Variants in SLC25A21 observed in about 807,000 individuals in gnomAD.
SLC25A21 encodes the protein mitochondrial 2-oxodicarboxylate carrier.
A neutral mutation model predicts 43.8 loss-of-function variants in SLC25A21; 47 were observed. The ratio of observed to expected loss-of-function variants is 1.07; its 90% confidence interval spans 0.85 to 1.37. SLC25A21 has a LOEUF of 1.37. Among genes scored for constraint, SLC25A21 ranks in the 40% most tolerant of loss-of-function variants. SLC25A21 has a pLI of 0.00. For synonymous variants in SLC25A21, 131 were observed against 121.3 expected, an observed-to-expected ratio of 1.08 and a Z score of -0.52; for missense variants, 352 against 350.2, an observed-to-expected ratio of 1.00 and a Z score of -0.04.
At chr14:36,978,654 TTAAA>T (rs560965409) in intron 1 of SLC25A21, among the ~76,000 whole-genome samples, 1 of 152,244 alleles carries the variant, frequency 6.6e-6, no homozygotes, top group Non-Finnish European at 1.5e-5. Flanking sequence ...TTTACAATAA[TTAAA>T]TACTCACATA....
intron 2 of SLC25A21, among the ~76,000 whole-genome samples, chr14:36,836,146 C>T (rs897135517): frequency 3.3e-5 from 5 of 152,236 alleles, no homozygotes; most frequent in South Asian, 2.1e-4. Flanking sequence ...AGTTATAATT[C>T]GGAAGTGTTA....
chr14:36,980,802 C>T (rs1436303704), intron 1 of SLC25A21, among the ~76,000 whole-genome samples: 1 of 152,198 alleles, frequency 6.6e-6, no homozygotes, highest in African/African-American at 2.4e-5. Context: ...ATGACTAAAA[C>T]ACCAAAAGCA....
chr14:37,161,440 T>G (rs1332858655), intron 1 of SLC25A21, among the ~76,000 whole-genome samples: 1 of 152,054 alleles, frequency 6.6e-6, no homozygotes, highest in Non-Finnish European at 1.5e-5. Context: ...GACCATAAAT[T>G]TGAGAAACAC....
chr14:36,696,981 C>A lies in SLC25A21; in HGVS notation c.604-12056G>T, dbSNP rs376715493. Among the ~76,000 whole-genome samples, 3,987 of 152,042 alleles carry A rather than the reference C, an allele frequency of 0.026. 259 individuals are homozygous for A. In the East Asian group the frequency reaches 0.29, roughly 11 times the overall value. On this transcript the variant is annotated intron_variant, in intron 7 of 9. Coordinates refer to ENST00000331299, the MANE Select transcript of SLC25A21 (RefSeq NM_030631.4). ...CGAATGTGTTTGCTCTTCATTCTCT[C>A]GTTCTTTTAATTGTGATGTTAGGGT...
intron 7 of SLC25A21, among the ~76,000 whole-genome samples, chr14:36,706,985 T>C (rs1215596002): frequency 1.3e-5 from 2 of 152,168 alleles, no homozygotes; most frequent in East Asian, 3.9e-4. Context: ...TAAGAATCCT[T>C]AGTGTGGCCT....
chr14:36,768,720 C>A (rs1886504624), intron 3 of SLC25A21, among the ~76,000 whole-genome samples: 1 of 152,030 alleles, frequency 6.6e-6, no homozygotes, highest in South Asian at 2.1e-4. Context: ...CAATGGAAGT[C>A]ATATTATAAG....
At chr14:36,968,722 C>A (rs999525392) in intron 1 of SLC25A21, among the ~76,000 whole-genome samples, 8 of 152,268 alleles carry the variant, frequency 5.3e-5, no homozygotes, top group Admixed American at 2.0e-4. Flanking sequence ...TAAGGAGCCT[C>A]CCCGGTATGA....
chr14:36,755,663 A>C (rs1885897190), intron 3 of SLC25A21, among the ~76,000 whole-genome samples: 1 of 152,266 alleles, frequency 6.6e-6, no homozygotes, highest in Non-Finnish European at 1.5e-5. Context: ...GAAATTAAAA[A>C]AAATCTATAT....
chr14:37,066,458 A>C (rs1266477998), intron 1 of SLC25A21, among the ~76,000 whole-genome samples: 1 of 152,200 alleles, frequency 6.6e-6, no homozygotes, highest in Non-Finnish European at 1.5e-5. Context: ...AACTGAAAAA[A>C]TGGATTATGT....
chr14:37,118,638 G>T (rs1456473404), intron 1 of SLC25A21, among the ~76,000 whole-genome samples: 1 of 152,016 alleles, frequency 6.6e-6, no homozygotes, highest in East Asian at 1.9e-4. Flanking sequence ...GATATTTAAG[G>T]ATTGAGACAA....
At chr14:36,898,380 GA>G (rs1490113682) in intron 1 of SLC25A21, among the ~76,000 whole-genome samples, 1 of 152,174 alleles carries the variant, frequency 6.6e-6, no homozygotes, top group Non-Finnish European at 1.5e-5. Flanking sequence ...AAGACCGTTG[GA>G]AAAGCGCAGT....
At chr14:36,882,670 T>A (rs1162927064) in intron 1 of SLC25A21, among the ~76,000 whole-genome samples, 1 of 152,018 alleles carries the variant, frequency 6.6e-6, no homozygotes, top group East Asian at 1.9e-4. Flanking sequence ...AAATCCATGG[T>A]TTCAACTATG....
chr14:37,107,635 A>G (rs2138872761), intron 1 of SLC25A21, among the ~76,000 whole-genome samples: 1 of 152,276 alleles, frequency 6.6e-6, no homozygotes, highest in Non-Finnish European at 1.5e-5. Flanking sequence ...AATCCATATC[A>G]TAGCCCTATA....
At chr14:36,937,479 G>A (rs571889526) in intron 1 of SLC25A21, among the ~76,000 whole-genome samples, 40 of 152,290 alleles carry the variant, frequency 2.6e-4, no homozygotes, top group Admixed American at 2.1e-3. Flanking sequence ...CGGCCTATTG[G>A]TGATAAATAT....
chr14:37,169,336 T>G (rs530643840), intron 1 of SLC25A21, among the ~76,000 whole-genome samples: 2 of 152,112 alleles, frequency 1.3e-5, no homozygotes, highest in African/African-American at 4.8e-5. Flanking sequence ...TGTGGCCCTA[T>G]TATTACCTGC....
chr14:36,728,550 A>C (rs374789481), intron 5 of SLC25A21, among the ~76,000 whole-genome samples: 2 of 152,244 alleles, frequency 1.3e-5, no homozygotes, highest in East Asian at 1.9e-4. Flanking sequence ...TCTCCCAGCT[A>C]TCTTGTATAG....
chr14:37,123,884 A>G (rs1963253347), intron 1 of SLC25A21, among the ~76,000 whole-genome samples: 1 of 152,116 alleles, frequency 6.6e-6, no homozygotes. Flanking sequence ...ATAAGTAAAT[A>G]CTATAAGGAA....
intron 3 of SLC25A21, among the ~76,000 whole-genome samples, chr14:36,745,180 T>C (rs547481949): frequency 7.6e-4 from 116 of 152,260 alleles, no homozygotes; most frequent in African/African-American, 2.7e-3. Flanking sequence ...AACTCATCCT[T>C]TTTTATGGCT....
At chr14:37,151,055 A>C (rs960966699) in intron 1 of SLC25A21, among the ~76,000 whole-genome samples, 1 of 152,012 alleles carries the variant, frequency 6.6e-6, no homozygotes, top group African/African-American at 2.4e-5. Context: ...TCATTCTGCA[A>C]AATTACTTTG....
Sources: gnomAD v4.1 joint callset for allele counts (sites outside exome capture counted in the v4.1 genomes callset) on GRCh38, gnomAD v4.1.1 for gene constraint, MANE v1.5 for transcripts, NCBI Gene and HGNC (gene_info 2026-07-23, HGNC 2026-07-21) for gene names.